Variants in SPIDR observed in about 807,000 individuals in gnomAD.
SPIDR encodes the protein DNA repair-scaffolding protein.
A neutral mutation model predicts 104.6 loss-of-function variants in SPIDR; 93 were observed. That is an observed-to-expected ratio of 0.89 (90% CI 0.75 to 1.06). SPIDR has a LOEUF of 1.06. SPIDR is among the 50% of genes least tolerant of loss of function. The pLI, the probability that SPIDR is intolerant of heterozygous loss-of-function variation, is 0.00. For missense variants in SPIDR, 1,154 were observed against 1,111.2 expected, an observed-to-expected ratio of 1.04 and a Z score of -0.55; for synonymous variants, 431 against 416.9, an observed-to-expected ratio of 1.03 and a Z score of -0.41.
At chr8:47,441,292 C>A (rs182721130) in intron 8 of SPIDR, among the ~76,000 whole-genome samples, 1 of 152,172 alleles carries the variant, frequency 6.6e-6, no homozygotes, top group African/African-American at 2.4e-5. Flanking sequence ...TTTTCTTCTC[C>A]TTTACAAACC....
intron 11 of SPIDR, among the ~76,000 whole-genome samples, chr8:47,695,027 G>A (rs573739690): frequency 6.6e-6 from 1 of 152,090 alleles, no homozygotes; most frequent in African/African-American, 2.4e-5. Context: ...TCTCTTCACT[G>A]GTTGAACAGG....
chr8:47,508,177 G>T (rs2081771471), intron 8 of SPIDR, among the ~76,000 whole-genome samples: 2 of 152,166 alleles, frequency 1.3e-5, no homozygotes, highest in Admixed American at 1.3e-4. Context: ...TGTCTTGTGG[G>T]CTGGTAGGAT....
At chr8:47,279,155 A>G (rs1207404863) in intron 1 of SPIDR, 1 of 154,770 alleles carries the variant, frequency 6.5e-6, no homozygotes, top group South Asian at 2.0e-4. Flanking sequence ...TTGGCCTCCC[A>G]AAGTGTTGGG....
chr8:47,368,000 A>G (rs1179383396), intron 5 of SPIDR, among the ~76,000 whole-genome samples: 2 of 152,048 alleles, frequency 1.3e-5, no homozygotes, highest in African/African-American at 2.4e-5. Flanking sequence ...TAAACAATGG[A>G]AATGCATTTC....
intron 8 of SPIDR, among the ~76,000 whole-genome samples, chr8:47,485,852 A>G (rs1045181395): frequency 6.6e-6 from 1 of 152,160 alleles, no homozygotes; most frequent in Non-Finnish European, 1.5e-5. Flanking sequence ...CCATCTATAC[A>G]TCATCATCAT....
chr8:47,382,904 A>G (rs951169119), intron 5 of SPIDR, among the ~76,000 whole-genome samples: 2 of 152,204 alleles, frequency 1.3e-5, no homozygotes, highest in East Asian at 1.9e-4. Context: ...TAGAGAAGCA[A>G]TAGGTCTTTT....
chr8:47,445,877 TTGAAGTC>T (rs1353367346), intron 8 of SPIDR, among the ~76,000 whole-genome samples: 1 of 152,158 alleles, frequency 6.6e-6, no homozygotes, highest in East Asian at 1.9e-4. Context: ...CTACAATTCT[TTGAAGTC>T]TGAGAGAGGT....
chr8:47,721,827 T>C (rs750781413), intron 16 of SPIDR, among the ~76,000 whole-genome samples: 1 of 152,212 alleles, frequency 6.6e-6, no homozygotes, highest in Non-Finnish European at 1.5e-5. Flanking sequence ...TTTCCAACTT[T>C]GTTCTTGTTC....
intron 16 of SPIDR, among the ~76,000 whole-genome samples, chr8:47,723,469 G>A (rs561798289): frequency 3.7e-5 from 5 of 134,152 alleles, no homozygotes; most frequent in African/African-American, 1.4e-4. Context: ...TCGCTCTGTC[G>A]CCCAGGCTGG....
At chr8:47,305,284 G>C (rs2042919402) in intron 5 of SPIDR, among the ~76,000 whole-genome samples, 1 of 152,140 alleles carries the variant, frequency 6.6e-6, no homozygotes, top group Non-Finnish European at 1.5e-5. Flanking sequence ...CAGGCTAATA[G>C]ACATAATCAA....
chr8:47,299,636 A>G (rs1325782566), intron 5 of SPIDR, among the ~76,000 whole-genome samples: 56 of 152,108 alleles, frequency 3.7e-4, no homozygotes, highest in African/African-American at 1.3e-3. Flanking sequence ...TCAATACCTA[A>G]TTTATTGAGA....
chr8:47,435,600 A>G (rs782077866), intron 7 of SPIDR, among the ~76,000 whole-genome samples: 36 of 152,066 alleles, frequency 2.4e-4, no homozygotes, highest in Non-Finnish European at 4.6e-4. Context: ...GCTATTGTAT[A>G]TTAGTATTTG....
At chr8:47,714,989 G>T (rs1477158235) in intron 16 of SPIDR, among the ~76,000 whole-genome samples, 4 of 152,028 alleles carry the variant, frequency 2.6e-5, no homozygotes. Flanking sequence ...CTCCTTTAAA[G>T]TGTTTTTAGT....
intron 8 of SPIDR, among the ~76,000 whole-genome samples, chr8:47,459,448 A>C (rs2073568211): frequency 6.6e-6 from 1 of 152,014 alleles, no homozygotes; most frequent in South Asian, 2.1e-4. Flanking sequence ...GCCTTAGATA[A>C]TCTTTTGTAT....
intron 8 of SPIDR, among the ~76,000 whole-genome samples, chr8:47,480,363 G>A (rs2076764335): frequency 6.6e-6 from 1 of 152,198 alleles, no homozygotes. Context: ...CTCTTAATGT[G>A]TGGGTTAAGT....
At chr8:47,667,927 A>G (rs771379289) in intron 10 of SPIDR, 1 of 152,222 alleles carries the variant, frequency 6.6e-6, no homozygotes, top group Admixed American at 6.5e-5. Flanking sequence ...ATACTGTAGC[A>G]TCTTCATGCT....
intron 5 of SPIDR, 72 bp from the exon 6 acceptor site, chr8:47,396,304 G>A: frequency 2.4e-6 from 3 of 1,230,348 alleles, no homozygotes; most frequent in Non-Finnish European, 3.4e-6. Context: ...AATGATAGAT[G>A]TATATAAATG....
At chr8:47,406,762 A>G (rs2062812271) in intron 6 of SPIDR, among the ~76,000 whole-genome samples, 1 of 152,224 alleles carries the variant, frequency 6.6e-6, no homozygotes, top group Admixed American at 6.5e-5. Context: ...TGCTGCACTA[A>G]GTCCATTCTG....
At chr8:47,727,399 T>A in intron 17 of SPIDR, 106 bp downstream of exon 17, 2 of 976,978 alleles carry the variant, frequency 2.0e-6, no homozygotes, top group Admixed American at 4.1e-5. Flanking sequence ...CCTCGAGAGC[T>A]CAAGGGGCAA....
Sources: allele counts gnomAD v4.1 joint callset (sites outside exome capture counted in the v4.1 genomes callset), GRCh38; gene constraint gnomAD v4.1.1; transcripts MANE v1.5; gene names NCBI Gene and HGNC (gene_info 2026-07-23, HGNC 2026-07-21).